Variants in HIVEP1 observed in about 807,000 individuals in gnomAD.
The protein encoded by HIVEP1 is HIVEP zinc finger 1, also known as zinc finger protein 40.
Under a neutral mutation model 180.0 loss-of-function variants are expected in HIVEP1, and 36 were observed. The observed-to-expected ratio is 0.20, with a 90% CI of 0.15 to 0.26. HIVEP1 has a LOEUF of 0.26. HIVEP1 is among the 10% of genes least tolerant of loss of function. The probability of loss-of-function intolerance (pLI) is 1.00; values close to 1 mark genes in which losing one functional copy is unlikely to be tolerated. For synonymous variants in HIVEP1, 1,239 were observed against 1,239.0 expected, an observed-to-expected ratio of 1.00 and a Z score of 0.00; for missense variants, 3,143 against 3,268.7, an observed-to-expected ratio of 0.96 and a Z score of 0.94.
At chr6:12,093,542 T>A (rs12194674) in intron 3 of HIVEP1, among the ~76,000 whole-genome samples, 3 of 151,730 alleles carry the variant, frequency 2.0e-5, no homozygotes, top group African/African-American at 7.2e-5. Context: ...TTTGTTTTTT[T>A]AAAAAAATAT....
chr6:12,065,666 G>GTT (rs1771519674), intron 2 of HIVEP1, among the ~76,000 whole-genome samples: 1 of 113,374 alleles, frequency 8.8e-6, no homozygotes, highest in Admixed American at 9.8e-5. Context: ...TCCCAGGTAG[G>GTT]TTTTGTGTGT....
chr6:12,158,430 G>T (rs1760189044), intron 7 of HIVEP1, among the ~76,000 whole-genome samples: 1 of 152,112 alleles, frequency 6.6e-6, no homozygotes. Context: ...TCTAGTTTTA[G>T]GTCTTCCTTT....
downstream of HIVEP1, among the ~76,000 whole-genome samples, chr6:12,167,646 CATATATATGTTATAT>C (rs1760748409): frequency 4.5e-5 from 1 of 22,072 alleles, no homozygotes; most frequent in Non-Finnish European, 7.2e-5. Flanking sequence ...TATACATATA[CATATATATGTTATAT>C]ATACATATAT....
At chr6:12,178,598 T>C in the HIVEP1 span, among the ~76,000 whole-genome samples, 1 of 152,242 alleles carries the variant, frequency 6.6e-6, no homozygotes, top group Non-Finnish European at 1.5e-5. Flanking sequence ...TAAGCACATC[T>C]GGTATGGCAG....
At position 12,120,969 on chromosome 6, in the gene HIVEP1, A is replaced by G. The variant is rs771222878; in HGVS notation, c.1174A>G (p.Asn392Asp). The G allele has an allele frequency of 1.2e-6, 2 of 1,614,188 alleles. No individual in the cohort carries two copies. Among genetic ancestry groups the G allele is most frequent in the East Asian group, 2.2e-5 (1 of 44,890 alleles). ...TAATCAAAGCGTAGAGCAAATGTGC[A>G]ATCTTCTTCTGAAAGATCAGAAGCC... ...VVNQSVEQMC[N>D]LLLKDQKPKK... The change falls in exon 4 of 9, where the codon AAT becomes GAT. Residue 392 changes from asparagine to aspartate, a missense_variant. Transcript: ENST00000379388.
In HIVEP1 at chr6:12,119,870, G is replaced by A; in HGVS notation, c.95-20G>A. ...TGTACAATGTTACCAATTGTTTGTT[G>A]TTGTTGTTGTTTTTTCCAGAAATCT... is the stretch of plus-strand genomic sequence containing the variant. On this transcript the variant is annotated intron_variant, in intron 3 of 8. Coordinates refer to ENST00000379388, the MANE Select transcript of HIVEP1 (RefSeq NM_002114.4). 1 of 1,466,770 alleles carries A rather than the reference G, an allele frequency of 6.8e-7. No homozygotes were observed. Among genetic ancestry groups the A allele is most frequent in the South Asian group, 1.4e-5 (1 of 74,002 alleles). 90.9% of individuals were successfully genotyped at this position (1,466,770 alleles called of 1,614,324 possible).
chr6:12,042,148 C>T (rs1393564084), intron 2 of HIVEP1, among the ~76,000 whole-genome samples: 41 of 148,412 alleles, frequency 2.8e-4, no homozygotes, highest in Admixed American at 6.7e-5. Context: ...GGCGCAATCT[C>T]GGCTCACTGC....
Position 12,125,641 on chromosome 6 carries a change from G to A in HIVEP1, c.5846G>A (p.Arg1949Lys). 6.2e-7 allele frequency: 1 copy of A among 1,614,174 alleles called. No homozygotes were observed. The highest frequency in any genetic ancestry group is 1.1e-5 in the South Asian group (1 of 91,080). Reference protein sequence around the residue: ...TTNFTWCYLLRQKSLHLPQKD... With the variant: ...TTNFTWCYLLKQKSLHLPQKD... ...AACTTTACATGGTGTTATCTCTTAA[G>A]GCAGAAGTCGTTGCATTTGCCTCAG... Residue 1949 changes from arginine (R) to lysine (K), a missense_variant, in exon 4 of 9, where the codon AGG (arginine) becomes AAG (lysine). Physicochemically the swap from Arg to Lys is conservative, Grantham distance 26. This residue lies in a region of HIVEP1 where 1,357 missense variants were observed against 1,260.5 expected (regional missense o/e 1.08). Coordinates refer to ENST00000379388, the MANE Select transcript of HIVEP1 (RefSeq NM_002114.4).
Position 12,015,517 on chromosome 6 carries a change from C to A in HIVEP1, c.-103-9C>A. 1 of 860,080 alleles carries A rather than the reference C, an allele frequency of 1.2e-6. No homozygotes were observed. Among genetic ancestry groups the A allele is most frequent in the Non-Finnish European group, 1.9e-6 (1 of 527,896 alleles). 53.3% of individuals were successfully genotyped at this position (860,080 alleles called of 1,614,324 possible). A position where few individuals can be genotyped will look rare whatever the true frequency, so the allele number is the denominator to read the frequency against. On this transcript the variant is annotated splice_polypyrimidine_tract_variant and intron_variant, in intron 1 of 8. Transcript: ENST00000379388. ...GTAAAATGTGCTTCTCCGTTTTTTT[C>A]TTTTTCAGCACATGGATTAATTGAT...
At chr6:12,065,542 C>T (rs1213189731) in intron 2 of HIVEP1, among the ~76,000 whole-genome samples, 1 of 152,186 alleles carries the variant, frequency 6.6e-6, no homozygotes, top group East Asian at 1.9e-4. Context: ...ACTTCCCGTT[C>T]TGGAGGCAAA....
chr6:12,026,222 A>T (rs560613976), intron 2 of HIVEP1, among the ~76,000 whole-genome samples: 19 of 152,356 alleles, frequency 1.2e-4, no homozygotes, highest in Admixed American at 2.0e-4. Context: ...ACATAAAGGA[A>T]CAAATATAAT....
In HIVEP1 at chr6:12,035,980, T is replaced by C. The variant is rs78385085; in HGVS notation, c.40+20312T>C. On this transcript the variant is annotated intron_variant, in intron 2 of 8. Coordinates refer to ENST00000379388, the MANE Select transcript of HIVEP1 (RefSeq NM_002114.4). ...GAATTACAAATGCTAAAGTATTATA[T>C]GGAAACATCGTTCTCTGTAATAAGA... 3.2e-3 allele frequency among the ~76,000 whole-genome samples: 490 copies of C among 152,306 alleles called. 5 individuals carry two copies. Among genetic ancestry groups the C allele is most frequent in the African/African-American group, 0.011 (475 of 41,552 alleles).
intron 3 of HIVEP1, among the ~76,000 whole-genome samples, chr6:12,116,311 G>T (rs1775210785): frequency 6.6e-6 from 1 of 152,108 alleles, no homozygotes; most frequent in African/African-American, 2.4e-5. Context: ...TGGTTCTCGA[G>T]AGAAGGTATT....
At chr6:12,066,641 T>C (rs925817925) in intron 2 of HIVEP1, among the ~76,000 whole-genome samples, 2 of 152,232 alleles carry the variant, frequency 1.3e-5, no homozygotes, top group South Asian at 2.1e-4. Context: ...TCAAAGCATA[T>C]GAATTTTTTG....
the HIVEP1 span, among the ~76,000 whole-genome samples, chr6:12,204,291 C>A: frequency 3.3e-5 from 5 of 152,114 alleles, no homozygotes. Context: ...GGGCTCAGCC[C>A]AGTTTTTCAT....
the HIVEP1 span, among the ~76,000 whole-genome samples, chr6:12,197,954 T>C: frequency 6.6e-6 from 1 of 151,670 alleles, no homozygotes; most frequent in Non-Finnish European, 1.5e-5. Flanking sequence ...AGGGAGGAGG[T>C]ATAAGGGAAC....
chr6:12,179,216 G>A, the HIVEP1 span, among the ~76,000 whole-genome samples: 1 of 152,134 alleles, frequency 6.6e-6, no homozygotes, highest in Admixed American at 6.5e-5. Flanking sequence ...TTTTCTACCC[G>A]AGTTGGGAAC....
the HIVEP1 span, among the ~76,000 whole-genome samples, chr6:12,200,859 A>G: frequency 6.6e-6 from 1 of 152,216 alleles, no homozygotes; most frequent in Non-Finnish European, 1.5e-5. Context: ...CTTCCCCCCA[A>G]ATTCTTGACA....
At chr6:12,155,808 A>G (rs1760005317) in intron 7 of HIVEP1, among the ~76,000 whole-genome samples, 1 of 152,210 alleles carries the variant, frequency 6.6e-6, no homozygotes, top group African/African-American at 2.4e-5. Context: ...GCAGAGGTCT[A>G]GGTCTTTGAG....
Sources: gnomAD v4.1 joint callset for allele counts (sites outside exome capture counted in the v4.1 genomes callset) on GRCh38, gnomAD v4.1.1 for gene constraint, gnomAD v4.1.1 regional missense constraint, MANE v1.5 for transcripts, NCBI Gene and HGNC (gene_info 2026-07-23, HGNC 2026-07-21) for gene names.